Variants in BRINP3 observed in about 807,000 individuals in gnomAD.
BRINP3 encodes the protein BMP/retinoic acid inducible neural specific 3, also known as BMP/retinoic acid-inducible neural-specific protein 3.
Under a neutral mutation model 71.0 loss-of-function variants are expected in BRINP3, and 19 were observed. The ratio of observed to expected loss-of-function variants is 0.27; its 90% CI spans 0.19 to 0.39. BRINP3 has a LOEUF of 0.39. BRINP3 is among the 10% of genes least tolerant of loss of function. The pLI, the probability that BRINP3 is intolerant of heterozygous loss-of-function variation, is 1.00. For synonymous variants in BRINP3, 380 were observed against 337.7 expected, an observed-to-expected ratio of 1.13 and a Z score of -1.37; for missense variants, 959 against 940.8, an observed-to-expected ratio of 1.02 and a Z score of -0.25.
chr1:190,296,241 A>G (rs1365927682), intron 2 of BRINP3, among the ~76,000 whole-genome samples: 1 of 125,570 alleles, frequency 8.0e-6, no homozygotes, highest in Non-Finnish European at 1.9e-5. Flanking sequence ...ATTAAAAAAA[A>G]ACATGGGATG....
chr1:190,119,999 G>C (rs1422466510), intron 7 of BRINP3, among the ~76,000 whole-genome samples: 1 of 152,186 alleles, frequency 6.6e-6, no homozygotes. Context: ...ATCACATCTA[G>C]CAAGTAGATA....
At chr1:190,323,418 T>A (rs1230541012) in intron 2 of BRINP3, among the ~76,000 whole-genome samples, 1 of 151,854 alleles carries the variant, frequency 6.6e-6, no homozygotes, top group African/African-American at 2.4e-5. Flanking sequence ...AAGGAGATGA[T>A]CATTAAGAAT....
intron 4 of BRINP3, among the ~76,000 whole-genome samples, chr1:190,242,344 T>C (rs1659183538): frequency 6.6e-6 from 1 of 152,080 alleles, no homozygotes; most frequent in Non-Finnish European, 1.5e-5. Context: ...TAGTGTGTTA[T>C]ACATAATTAA....
At chr1:190,470,595 T>A (rs780538682) in intron 1 of BRINP3, among the ~76,000 whole-genome samples, 3 of 151,144 alleles carry the variant, frequency 2.0e-5, no homozygotes, top group South Asian at 2.1e-4. Context: ...AACTCTAAAC[T>A]TGAACAATAA....
At chr1:190,275,294 A>T (rs1414762477) in intron 3 of BRINP3, among the ~76,000 whole-genome samples, 3 of 151,568 alleles carry the variant, frequency 2.0e-5, no homozygotes, top group Non-Finnish European at 4.4e-5. Flanking sequence ...TCTTGCTATG[A>T]TTTTTTTAAG....
Position 190,454,873 on chromosome 1 carries a change from T to G in BRINP3, c.18A>C (p.Arg6Ser), listed in dbSNP as rs138818057. The G allele has an allele frequency of 6.9e-4, 1,113 of 1,614,034 alleles. 2 individuals are homozygous for G. Among genetic ancestry groups the G allele is most frequent in the Non-Finnish European group, 8.1e-4 (959 of 1,179,936 alleles). MIWRS[R>S]AGAELFSLMA... Reference sequence around the variant, plus strand: ...TCAGAGAGAACAATTCAGCACCAGCTCTGCTTCGCCATATCATGCTTCCAC... The same window carrying G: ...TCAGAGAGAACAATTCAGCACCAGCGCTGCTTCGCCATATCATGCTTCCAC... The change falls in exon 2 of 8, where the codon AGA becomes AGC. Residue 6 changes from arginine to serine, a missense_variant. Transcript: ENST00000367462.
intron 1 of BRINP3, among the ~76,000 whole-genome samples, chr1:190,466,939 A>G (rs981497867): frequency 1.3e-5 from 2 of 151,668 alleles, no homozygotes; most frequent in African/African-American, 4.8e-5. Flanking sequence ...AAAGAAGCCA[A>G]CATATTTTGG....
chr1:190,269,958 G>A (rs1332002250), intron 3 of BRINP3, among the ~76,000 whole-genome samples: 1 of 151,848 alleles, frequency 6.6e-6, no homozygotes, highest in African/African-American at 2.4e-5. Context: ...TTGACATTTG[G>A]CAACAACATA....
intron 1 of BRINP3, among the ~76,000 whole-genome samples, chr1:190,459,072 T>G (rs1676205507): frequency 6.6e-6 from 1 of 150,752 alleles, no homozygotes; most frequent in African/African-American, 2.4e-5. Context: ...AAGTCATAAA[T>G]ATTGAAATAT....
At chr1:190,412,204 G>A (rs1571984408) in intron 2 of BRINP3, among the ~76,000 whole-genome samples, 1 of 151,796 alleles carries the variant, frequency 6.6e-6, no homozygotes, top group East Asian at 1.9e-4. Context: ...TATTGGGGAA[G>A]GGCTGTGGGA....
chr1:190,112,948 T>G lies in BRINP3; in HGVS notation c.1185-13814A>C, dbSNP rs183376156. ...AAAATGATGTAGTTCTTTTTCTTCA[T>G]GAAAGCATTACTGAATGGTACAAAC... On this transcript the variant is annotated intron_variant, in intron 7 of 7. Coordinates refer to ENST00000367462, the MANE Select transcript of BRINP3 (RefSeq NM_199051.3). Among the ~76,000 whole-genome samples the G allele has an allele frequency of 3.9e-5, 6 of 152,306 alleles. No individual in the cohort carries two copies. The East Asian group carries it at 1.2e-3, about 29-fold the overall frequency.
intron 7 of BRINP3, among the ~76,000 whole-genome samples, chr1:190,117,662 A>G (rs538668756): frequency 6.6e-6 from 1 of 152,154 alleles, no homozygotes; most frequent in Non-Finnish European, 1.5e-5. Flanking sequence ...AATTAAAAGG[A>G]TATTAACTTA....
intron 2 of BRINP3, among the ~76,000 whole-genome samples, chr1:190,305,524 T>TAATATATGG (rs1206429981): frequency 1.2e-3 from 180 of 151,786 alleles, no homozygotes; most frequent in African/African-American, 4.2e-3. Context: ...ATTATCTCAC[T>TAATATATGG]AATATATGGA....
intron 2 of BRINP3, among the ~76,000 whole-genome samples, chr1:190,401,322 C>T (rs901531564): frequency 1.4e-5 from 2 of 147,416 alleles, no homozygotes; most frequent in Non-Finnish European, 3.0e-5. Context: ...GAAGCCACTG[C>T]TCTCCAGCCT....
chr1:190,249,101 G>C (rs1476902007), intron 4 of BRINP3, among the ~76,000 whole-genome samples: 1 of 151,452 alleles, frequency 6.6e-6, no homozygotes, highest in African/African-American at 2.4e-5. Context: ...AAGAATATTA[G>C]AATACTTCAT....
chr1:190,341,826 G>A (rs1394296917), intron 2 of BRINP3, among the ~76,000 whole-genome samples: 1 of 151,824 alleles, frequency 6.6e-6, no homozygotes, highest in Non-Finnish European at 1.5e-5. Flanking sequence ...ACACTTTCAT[G>A]TTTCTGCAGT....
At position 190,106,589 on chromosome 1, in the gene BRINP3, G is replaced by A. The variant is rs182440619; in HGVS notation, c.1185-7455C>T. ...TAAATACATTAATTAACAACATAGA[G>A]AGGAAGCTAGAAAAGCAAGTGCAGA... On this transcript the variant is annotated intron_variant, in intron 7 of 7. Coordinates refer to ENST00000367462, the MANE Select transcript of BRINP3 (RefSeq NM_199051.3). Among the ~76,000 whole-genome samples the A allele has an allele frequency of 3.3e-5, 5 of 151,510 alleles. No homozygotes were observed. In the East Asian group the frequency reaches 9.7e-4, roughly 29 times the overall value.
chr1:190,123,677 C>T (rs1653864886), intron 7 of BRINP3, among the ~76,000 whole-genome samples: 2 of 152,076 alleles, frequency 1.3e-5, no homozygotes, highest in Non-Finnish European at 2.9e-5. Flanking sequence ...TGATTGTTTT[C>T]TAAATTGTTT....
intron 2 of BRINP3, among the ~76,000 whole-genome samples, chr1:190,298,588 T>C (rs972168216): frequency 2.0e-5 from 3 of 152,138 alleles, no homozygotes; most frequent in Admixed American, 1.3e-4. Flanking sequence ...CTTTAACCTA[T>C]AGTAAGTTTC....
Sources: gnomAD v4.1 joint callset for allele counts (sites outside exome capture counted in the v4.1 genomes callset) on GRCh38, gnomAD v4.1.1 for gene constraint, MANE v1.5 for transcripts, NCBI Gene and HGNC (gene_info 2026-07-23, HGNC 2026-07-21) for gene names.